The following NAPSA variants were observed in gnomAD, a reference collection of about 807,000 sequenced individuals.
NAPSA encodes napsin A aspartic peptidase.
Under a neutral mutation model 36.7 loss-of-function variants are expected in NAPSA, and 37 were observed. That is an observed-to-expected ratio of 1.01 (90% CI 0.78 to 1.33). The LOEUF is 1.33. Ranked by LOEUF, NAPSA falls within the 40% of genes most tolerant of loss-of-function variation. The probability of loss-of-function intolerance (pLI) is 0.00; values close to 1 mark genes in which losing one functional copy is unlikely to be tolerated. For synonymous variants in NAPSA, 222 were observed against 234.5 expected, an observed-to-expected ratio of 0.95 and a Z score of 0.49; for missense variants, 532 against 543.8, an observed-to-expected ratio of 0.98 and a Z score of 0.21.
rs950842750 is a variant in NAPSA at position 50,365,442 on chromosome 19, C to T, written c.83+97G>A. On this transcript the variant is annotated intron_variant, in intron 1 of 8. Coordinates refer to ENST00000253719, the MANE Select transcript of NAPSA (RefSeq NM_004851.3). The stretch of plus-strand genomic sequence containing the variant: ...AAAGAAGCTCTAGGGATCCTGGGTG[C>T]CAAGTTTGGGGATCACTGAACTGGG... 3.3e-6 allele frequency: 4 copies of T among 1,200,476 alleles called. No individual in the cohort carries two copies. The African/African-American group carries it at 6.0e-5, about 18-fold the overall frequency. The allele number at this position is 1,200,476 out of a possible 1,614,324, so 74.4% of individuals were successfully genotyped here. A position where few individuals can be genotyped will look rare whatever the true frequency, so the allele number is the denominator to read the frequency against.
rs1323636875 is a variant in NAPSA, at chr19:50,362,218, G to A, written c.179C>T (p.Ser60Phe). 3 of 1,614,096 alleles carry A rather than the reference G, an allele frequency of 1.9e-6. No homozygotes were observed. Among genetic ancestry groups the A allele is most frequent in the Non-Finnish European group, 2.5e-6 (3 of 1,179,992 alleles). Residue 60 changes from serine (S) to phenylalanine (F), a missense_variant, in exon 2 of 9, where the codon TCC (serine) becomes TTC (phenylalanine). Transcript: ENST00000253719. ...PAELPKLGAP[S>F]PGDKPIFVPL... ...TACGAAGATGGGCTTGTCCCCAGGG[G>A]ATGGGGCCCCCAACTTGGGGAGCTC...
rs2037465611 is a variant in NAPSA, at chr19:50,361,032, T to C, written c.577A>G (p.Ile193Val). Residue 193 changes from isoleucine (I) to valine (V), a missense_variant, in exon 5 of 9, where the codon ATT (isoleucine) becomes GTT (valine). Transcript: ENST00000253719. ...FDGILGLGFP[I>V]LSVEGVRPPM... Reference sequence around the variant, plus strand: ...GGCCGAACTCCTTCCACAGACAGAATGGGAAAACCGAGGCCCAATATCCCA... The same window carrying C: ...GGCCGAACTCCTTCCACAGACAGAACGGGAAAACCGAGGCCCAATATCCCA... 1.2e-6 allele frequency: 2 copies of C among 1,614,002 alleles called. No homozygotes were observed. Among genetic ancestry groups the C allele is most frequent in the Non-Finnish European group, 1.7e-6 (2 of 1,180,032 alleles).
At chr19:50,365,683 C>T, upstream of NAPSA, 3 of 1,423,690 alleles carry the variant, frequency 2.1e-6, no homozygotes, top group Non-Finnish European at 1.9e-6. Flanking sequence ...CCCTGTGACT[C>T]CACCCTGTTC....
upstream of NAPSA, among the ~76,000 whole-genome samples, chr19:50,368,805 A>G (rs2037580708): frequency 6.6e-6 from 1 of 152,222 alleles, no homozygotes; most frequent in Admixed American, 6.5e-5. Context: ...ACCCGTTTCT[A>G]GAGCTGGACC....
Position 50,361,491 on chromosome 19 carries a change from C to T in NAPSA, c.468+172G>A, listed in dbSNP as rs147023986. ...CCTCTTCACCCAGGAAGCCCCTCCCCCTCCTTGTGACGCACCATCCCTTCA... is the reference window on the plus strand; with the variant it reads ...CCTCTTCACCCAGGAAGCCCCTCCCTCTCCTTGTGACGCACCATCCCTTCA... On this transcript the variant is annotated intron_variant, in intron 4 of 8. Transcript: ENST00000253719. 1.7e-3 allele frequency: 1,099 copies of T among 648,148 alleles called. 11 individuals carry two copies. The highest frequency in any genetic ancestry group is 0.016 in the African/African-American group (897 of 54,620). The allele number at this position is 648,148 out of a possible 1,614,324, so 40.1% of individuals were successfully genotyped here.
At chr19:50,359,704 C>T in intron 6 of NAPSA, 36 bp downstream of exon 6, 1 of 1,614,222 alleles carries the variant, frequency 6.2e-7, no homozygotes, top group Non-Finnish European at 8.5e-7. Flanking sequence ...AGGCCCCCAG[C>T]CTCCAGCTCC....
chr19:50,368,441 G>A (rs1385404454), upstream of NAPSA, among the ~76,000 whole-genome samples: 3 of 152,116 alleles, frequency 2.0e-5, no homozygotes, highest in East Asian at 1.9e-4. Context: ...GCAGTGAGCC[G>A]TCATCACGCC....
chr19:50,360,920 T>TA, intron 5 of NAPSA, 21 bp downstream of exon 5: 2 of 1,608,790 alleles, frequency 1.2e-6, no homozygotes, highest in Non-Finnish European at 8.5e-7. Context: ...GACTCATAGA[T>TA]AGGTGCACAC....
upstream of NAPSA, chr19:50,365,827 C>T (rs1247395764): frequency 4.2e-6 from 2 of 470,866 alleles, no homozygotes; most frequent in South Asian, 3.1e-5. Flanking sequence ...ATCCTGTGCT[C>T]CTGGTGCTCC....
At chr19:50,363,572 T>TA (rs1440589474) in intron 1 of NAPSA, among the ~76,000 whole-genome samples, 1 of 149,058 alleles carries the variant, frequency 6.7e-6, no homozygotes, top group Non-Finnish European at 1.5e-5. Flanking sequence ...TATTTATTAA[T>TA]TTTTTTTTTA....
intron 8 of NAPSA, 97 bp from the exon 9 acceptor site, chr19:50,358,877 G>C: frequency 7.4e-7 from 1 of 1,354,050 alleles, no homozygotes; most frequent in Non-Finnish European, 1.0e-6. Context: ...GTTCTTTGAT[G>C]TTCGCCAACA....
In NAPSA at chr19:50,359,505, C is replaced by T. The variant is rs776891579; in HGVS notation, c.934G>A (p.Glu312Lys). 5.0e-6 allele frequency: 8 copies of T among 1,614,092 alleles called. No homozygotes were observed. The highest frequency in any genetic ancestry group is 1.7e-5 in the Admixed American group (1 of 60,030). The change falls in exon 7 of 9, where the codon GAG becomes AAG. Residue 312 changes from glutamate to lysine, a missense_variant and splice_region_variant. Physicochemically the swap from Glu to Lys is moderately conservative, Grantham distance 56. Coordinates refer to ENST00000253719, the MANE Select transcript of NAPSA (RefSeq NM_004851.3). The part of the protein sequence containing the change: ...AIGGIPLLAG[E>K]YIILCSEIPK... ...TACCCACCAGACTGGGACCTCACCTCCCCAGCCAGCAAGGGGATTCCCCCA... is the reference window on the plus strand; with the variant it reads ...TACCCACCAGACTGGGACCTCACCTTCCCAGCCAGCAAGGGGATTCCCCCA...
chr19:50,358,657 G>T lies in NAPSA; in HGVS notation c.1159C>A (p.Arg387Ser), dbSNP rs2037427369. 6.2e-7 allele frequency: 1 copy of T among 1,613,012 alleles called. No individual in the cohort carries two copies. Among genetic ancestry groups the T allele is most frequent in the Non-Finnish European group, 8.5e-7 (1 of 1,179,934 alleles). The change falls in exon 9 of 9, where the codon CGC becomes AGC. Residue 387 changes from arginine (R) to serine (S), a missense_variant. This residue lies in a region of NAPSA where 385 missense variants were observed against 371.5 expected (regional missense o/e 1.04). Transcript: ENST00000253719. ...CGGGCGCTGCTCTTCATGTCCCCGC[G>T]GTCGAAGACGGCCACATACGTCCCC... is the stretch of plus-strand genomic sequence containing the variant. ...FLGTYVAVFDRGDMKSSARVG... is the reference protein window; with the variant it reads ...FLGTYVAVFDSGDMKSSARVG...
Position 50,359,887 on chromosome 19 carries a change from G to A in NAPSA, c.669-25C>T, listed in dbSNP as rs560915904. The A allele has an allele frequency of 1.2e-4, 195 of 1,604,200 alleles. 2 individuals are homozygous for A. The South Asian group carries it at 2.1e-3, about 17-fold the overall frequency. ...CCTGCAGGGGCAGAGTGTAGAGAGT[G>A]TAGATGTCAGTGTCACTGGCCCTCC... On this transcript the variant is annotated intron_variant, in intron 5 of 8. Coordinates refer to ENST00000253719, the MANE Select transcript of NAPSA (RefSeq NM_004851.3).
At chr19:50,361,196 C>T in intron 4 of NAPSA, 56 bp from the exon 5 acceptor site, 4 of 1,462,442 alleles carry the variant, frequency 2.7e-6, no homozygotes, top group Non-Finnish European at 3.8e-6. Context: ...AACCACATGT[C>T]CTGAGGTCTC....
rs925860859 is a variant in NAPSA, at chr19:50,359,988, A to G, written c.669-126T>C. On this transcript the variant is annotated intron_variant, in intron 5 of 8. Coordinates refer to ENST00000253719, the MANE Select transcript of NAPSA (RefSeq NM_004851.3). ...TCTGGAGTTCCTACGGGGTAATGGG[A>G]TGCAGGAAGGGCCTAGATGTTGGGA... The G allele has an allele frequency of 2.3e-6, 3 of 1,282,050 alleles. No homozygotes were observed. In the African/African-American group the frequency reaches 4.5e-5, roughly 19 times the overall value. The allele number at this position is 1,282,050 out of a possible 1,614,324, so 79.4% of individuals were successfully genotyped here.
Position 50,362,326 on chromosome 19 carries a change from AG to A in NAPSA, c.84-14del. The A allele has an allele frequency of 6.3e-7, 1 of 1,588,968 alleles. No individual in the cohort carries two copies. Among genetic ancestry groups the A allele is most frequent in the Non-Finnish European group, 8.6e-7 (1 of 1,166,950 alleles). ...ATGAAGAGGGATGCTGTAGGGAAAG[AG>A]GATATTGACAGGAAGCTGCCCTTCT... On this transcript the variant is annotated splice_polypyrimidine_tract_variant and intron_variant, in intron 1 of 8. Coordinates refer to ENST00000253719, the MANE Select transcript of NAPSA (RefSeq NM_004851.3).
intron 1 of NAPSA, 89 bp downstream of exon 1, chr19:50,365,450 G>A (rs2037535071): frequency 1.6e-6 from 2 of 1,285,248 alleles, no homozygotes; most frequent in Non-Finnish European, 2.2e-6. Flanking sequence ...TGCCAAGTTT[G>A]GGGATCACTG....
chr19:50,365,266 A>C (rs2123620642), intron 1 of NAPSA, among the ~76,000 whole-genome samples: 1 of 152,162 alleles, frequency 6.6e-6, no homozygotes, highest in South Asian at 2.1e-4. Context: ...CCCAGGAGGC[A>C]GAGGTTTCAG....
Sources: gnomAD v4.1 joint callset for allele counts (sites outside exome capture counted in the v4.1 genomes callset) on GRCh38, gnomAD v4.1.1 for gene constraint, gnomAD v4.1.1 regional missense constraint, MANE v1.5 for transcripts, NCBI Gene and HGNC (gene_info 2026-07-23, HGNC 2026-07-21) for gene names.